The following KLF12 variants were observed in gnomAD, a reference collection of about 807,000 sequenced individuals.
KLF12 encodes the protein KLF transcription factor 12, also known as Krueppel-like factor 12.
In KLF12, 9 loss-of-function variants were observed where a neutral mutation model predicts 37.8. The ratio of observed to expected loss-of-function variants is 0.24; its 90% CI spans 0.14 to 0.42. The LOEUF is 0.42. KLF12 is among the 10% of genes least tolerant of loss of function. The pLI, the probability that KLF12 is intolerant of heterozygous loss-of-function variation, is 1.00. For synonymous variants in KLF12, 208 were observed against 202.1 expected (o/e 1.03, Z -0.25); for missense variants, 411 against 516.0 (o/e 0.80, Z 1.97).
chr13:74,021,514 A>G (rs1464900487), intron 1 of KLF12, among the ~76,000 whole-genome samples: 1 of 152,146 alleles, frequency 6.6e-6, no homozygotes, highest in Non-Finnish European at 1.5e-5. Context: ...GTTTGGCAGC[A>G]TAGCATAATA....
At chr13:73,755,022 G>A (rs544330741) in intron 6 of KLF12, among the ~76,000 whole-genome samples, 3 of 152,162 alleles carry the variant, frequency 2.0e-5, no homozygotes, top group East Asian at 3.9e-4. Context: ...TGCAGTTTGG[G>A]GAAGATTACT....
At chr13:74,269,926 T>A in the KLF12 span, among the ~76,000 whole-genome samples, 1 of 152,230 alleles carries the variant, frequency 6.6e-6, no homozygotes, top group African/African-American at 2.4e-5. Flanking sequence ...GTATTCAGTG[T>A]ACACAGTGCT....
At chr13:73,916,194 G>C (rs1593720541) in intron 3 of KLF12, among the ~76,000 whole-genome samples, 1 of 148,276 alleles carries the variant, frequency 6.7e-6, no homozygotes, top group Admixed American at 6.8e-5. Context: ...CCAACTTGGG[G>C]AAGAGCTAAT....
chr13:73,723,024 G>T (rs577466065), intron 6 of KLF12, among the ~76,000 whole-genome samples: 4 of 152,200 alleles, frequency 2.6e-5, no homozygotes, highest in African/African-American at 9.6e-5. Context: ...AGTATGACAA[G>T]CTTTCTGTTC....
At chr13:73,851,085 T>C (rs1396357225) in intron 3 of KLF12, among the ~76,000 whole-genome samples, 1 of 152,334 alleles carries the variant, frequency 6.6e-6, no homozygotes, top group African/African-American at 2.4e-5. Context: ...TCCAAACTCA[T>C]ACAACGGTTG....
At chr13:74,218,310 G>A in the KLF12 span, among the ~76,000 whole-genome samples, 7 of 152,146 alleles carry the variant, frequency 4.6e-5, no homozygotes, top group African/African-American at 1.4e-4. Context: ...GGAACAATAA[G>A]GCAAATGAAA....
chr13:73,824,905 T>C (rs1450267597), intron 4 of KLF12, among the ~76,000 whole-genome samples: 4 of 152,028 alleles, frequency 2.6e-5, no homozygotes, highest in Non-Finnish European at 4.4e-5. Flanking sequence ...CCATCTCTAC[T>C]AAAAATACAA....
chr13:74,096,090 T>C (rs558017195), intron 1 of KLF12, among the ~76,000 whole-genome samples: 8 of 152,338 alleles, frequency 5.3e-5, no homozygotes, highest in South Asian at 2.1e-4. Flanking sequence ...CTCCATCACA[T>C]TATTTGCTGG....
At chr13:74,168,814 G>C in the KLF12 span, among the ~76,000 whole-genome samples, 2,176 of 152,312 alleles carry the variant, frequency 0.014, 46 homozygotes, top group African/African-American at 0.049. Flanking sequence ...TTCTAATCCA[G>C]AAGATACTTA....
chr13:73,863,743 G>C (rs1886042134), intron 3 of KLF12, among the ~76,000 whole-genome samples: 1 of 152,048 alleles, frequency 6.6e-6, no homozygotes, highest in East Asian at 1.9e-4. Flanking sequence ...CAGTTTTCTA[G>C]TTTTAAACTT....
chr13:73,767,184 T>A (rs1230523605), intron 5 of KLF12, among the ~76,000 whole-genome samples: 1 of 152,166 alleles, frequency 6.6e-6, no homozygotes, highest in Non-Finnish European at 1.5e-5. Flanking sequence ...ATATGGCATG[T>A]TTTTTTGAGC....
At chr13:74,231,267 AT>A in the KLF12 span, among the ~76,000 whole-genome samples, 1 of 151,890 alleles carries the variant, frequency 6.6e-6, no homozygotes, top group Non-Finnish European at 1.5e-5. Flanking sequence ...CTCAGTAAAT[AT>A]TTTGCTAAGC....
chr13:73,690,929 TC>T lies in KLF12; in HGVS notation c.*4560del, dbSNP rs1873786052. The T allele has an allele frequency of 6.6e-6, 1 of 152,636 alleles. No homozygotes were observed. The allele number at this position is 152,636 out of a possible 1,614,324, so 9.5% of individuals were successfully genotyped here. A position where few individuals can be genotyped will look rare whatever the true frequency, so the allele number is the denominator to read the frequency against. ...AAATCTGGATTTCTATTGCAATTGC[TC>T]AGTAATTAGCATATTTAAAGTATCA... On this transcript the variant is annotated 3_prime_UTR_variant, in exon 8 of 8. Transcript: ENST00000377669.
chr13:73,899,915 G>A (rs1052411948), intron 3 of KLF12, among the ~76,000 whole-genome samples: 2 of 152,048 alleles, frequency 1.3e-5, no homozygotes, highest in East Asian at 1.9e-4. Context: ...ATCATCACAG[G>A]AGCCAATTCC....
chr13:73,743,060 G>A (rs1277835424), intron 6 of KLF12, among the ~76,000 whole-genome samples: 14 of 150,932 alleles, frequency 9.3e-5, no homozygotes, highest in Non-Finnish European at 5.9e-5. Flanking sequence ...CATCCCTTTC[G>A]TAGTCTTTTC....
At position 73,854,623 on chromosome 13, in the gene KLF12, T is replaced by C. The variant is rs374988646; in HGVS notation, c.124-8250A>G. On this transcript the variant is annotated intron_variant, in intron 3 of 7. Transcript: ENST00000377669. ...TTCCTTTGGTAGTATCCATGGGGGA[T>C]TGGTTCCAGGACCCCCCTCCACCAA... is the stretch of plus-strand genomic sequence containing the variant. 1.2e-4 allele frequency among the ~76,000 whole-genome samples: 18 copies of C among 152,288 alleles called. No individual in the cohort carries two copies. In the East Asian group the frequency reaches 2.7e-3, roughly 23 times the overall value.
chr13:74,242,231 T>C, the KLF12 span, among the ~76,000 whole-genome samples: 2 of 152,242 alleles, frequency 1.3e-5, no homozygotes, highest in Non-Finnish European at 2.9e-5. Context: ...CTGAATTTTC[T>C]TTGACATGTG....
intron 4 of KLF12, among the ~76,000 whole-genome samples, chr13:73,824,560 A>G (rs1009015067): frequency 5.3e-5 from 8 of 152,158 alleles, no homozygotes; most frequent in African/African-American, 1.9e-4. Context: ...AATATCTTCG[A>G]GCCAAAAGAA....
the KLF12 span, among the ~76,000 whole-genome samples, chr13:74,234,987 G>A: frequency 1.3e-5 from 2 of 152,044 alleles, no homozygotes; most frequent in African/African-American, 4.8e-5. Flanking sequence ...TATCCTCTAT[G>A]TGTATATATT....
Sources: allele counts gnomAD v4.1 joint callset (sites outside exome capture counted in the v4.1 genomes callset), GRCh38; gene constraint gnomAD v4.1.1; transcripts MANE v1.5; gene names NCBI Gene and HGNC (gene_info 2026-07-23, HGNC 2026-07-21).